SCLT1: variants seen among roughly 807,000 people sequenced by gnomAD.
SCLT1 encodes the protein sodium channel and clathrin linker 1, also known as sodium channel-associated protein 1.
Under a neutral mutation model 112.8 loss-of-function variants are expected in SCLT1, and 78 were observed. That is an observed-to-expected ratio of 0.69 (90% CI 0.58 to 0.83). The LOEUF is 0.83. SCLT1 is among the 40% of genes least tolerant of loss of function. SCLT1 has a pLI of 0.00. For synonymous variants in SCLT1, 257 were observed against 254.7 expected, an observed-to-expected ratio of 1.01 and a Z score of -0.09; for missense variants, 747 against 770.4, an observed-to-expected ratio of 0.97 and a Z score of 0.36.
At chr4:128,951,189 C>A (rs35363237) in intron 14 of SCLT1, among the ~76,000 whole-genome samples, 13,387 of 151,986 alleles carry the variant, frequency 0.088, 755 homozygotes, top group South Asian at 0.15. Context: ...AAAACAATAG[C>A]AAGCATCAGG....
rs368566116 is a variant in SCLT1 at position 129,003,820 on chromosome 4, C to T, written c.347G>A (p.Gly116Asp). The change falls in exon 6 of 21, where the codon GGC (glycine) becomes GAC (aspartate). Residue 116 changes from glycine (G) to aspartate (D), a missense_variant. Transcript: ENST00000281142. ...VEKKLEAFPLGTEVGTDIYAD... is the reference protein window; with the variant it reads ...VEKKLEAFPLDTEVGTDIYAD... ...ATATATGTCAGTTCCTACCTCTGTG[C>T]CCAGGGGAAAGGCCTCCAATTTTTT... 2 of 1,611,706 alleles carry T rather than the reference C, an allele frequency of 1.2e-6. No individual in the cohort carries two copies. Among genetic ancestry groups the T allele is most frequent in the African/African-American group, 1.3e-5 (1 of 74,780 alleles).
intron 2 of SCLT1, among the ~76,000 whole-genome samples, chr4:129,071,274 G>A (rs538782360): frequency 6.6e-6 from 1 of 152,258 alleles, no homozygotes; most frequent in African/African-American, 2.4e-5. Flanking sequence ...GGAATGTTCT[G>A]TATATATCTG....
chr4:128,988,945 A>G (rs898775406), intron 9 of SCLT1, among the ~76,000 whole-genome samples: 2 of 152,002 alleles, frequency 1.3e-5, no homozygotes, highest in Admixed American at 6.6e-5. Context: ...TTGTAGATAT[A>G]TATGTACTCA....
At chr4:128,932,591 A>C (rs565822630) in intron 18 of SCLT1, among the ~76,000 whole-genome samples, 1 of 152,250 alleles carries the variant, frequency 6.6e-6, no homozygotes, top group Non-Finnish European at 1.5e-5. Context: ...CTTCTATTCC[A>C]TATGGTACTG....
intron 1 of SCLT1, 63 bp downstream of exon 1, chr4:129,093,007 T>A: frequency 8.3e-7 from 1 of 1,210,302 alleles, no homozygotes; most frequent in Non-Finnish European, 1.2e-6. Flanking sequence ...AAAAAAGATT[T>A]GTCGGTCAAC....
rs77768210 is a variant in SCLT1 at position 128,949,217 on chromosome 4, GT to G, written c.1219-648del. On this transcript the variant is annotated intron_variant, in intron 14 of 20. Coordinates refer to ENST00000281142, the MANE Select transcript of SCLT1 (RefSeq NM_144643.4). Reference sequence around the variant, plus strand: ...GGAGAATGGGTAATGTGTATGGCTTGTTTTTTTTTTTTTTTTTTCGTGAGAC... The same window carrying G: ...GGAGAATGGGTAATGTGTATGGCTTGTTTTTTTTTTTTTTTTTCGTGAGAC... 6.8e-3 allele frequency among the ~76,000 whole-genome samples: 680 copies of G among 100,710 alleles called. 5 individuals carry two copies. Among genetic ancestry groups the G allele is most frequent in the African/African-American group, 0.018 (491 of 27,704 alleles). The allele number at this position is 100,710 out of a possible 152,430, so 66.1% of individuals were successfully genotyped here. A position where few individuals can be genotyped will look rare whatever the true frequency, so the allele number is the denominator to read the frequency against.
intron 7 of SCLT1, 55 bp from the exon 8 acceptor site, chr4:128,997,994 A>G (rs1362892217): frequency 1.2e-6 from 1 of 826,746 alleles, no homozygotes; most frequent in Non-Finnish European, 1.8e-6. Flanking sequence ...TTTATAACCC[A>G]TATTTAAAAT....
At chr4:128,974,188 T>C (rs985308609) in intron 9 of SCLT1, among the ~76,000 whole-genome samples, 4 of 152,144 alleles carry the variant, frequency 2.6e-5, no homozygotes, top group African/African-American at 7.2e-5. Flanking sequence ...TTAGATTAAA[T>C]TGTCAGGAAC....
At chr4:128,876,731 T>C (rs1436428368) in intron 3 of SCLT1, 2 of 152,254 alleles carry the variant, frequency 1.3e-5, no homozygotes, top group Non-Finnish European at 2.9e-5. Context: ...TTGGTATTTC[T>C]GCAATCCAGC....
Position 129,033,853 on chromosome 4 carries a change from A to T in SCLT1, c.290+5188T>A, listed in dbSNP as rs148181126. Among the ~76,000 whole-genome samples, 15 of 152,324 alleles carry T rather than the reference A, an allele frequency of 9.8e-5. No individual in the cohort carries two copies. In the East Asian group the frequency reaches 2.9e-3, roughly 29 times the overall value. On this transcript the variant is annotated intron_variant, in intron 5 of 20. Coordinates refer to ENST00000281142, the MANE Select transcript of SCLT1 (RefSeq NM_144643.4). The stretch of plus-strand genomic sequence containing the variant: ...ACATAAATACCAAAACATAAACTCA[A>T]TTATAAACCAAGATACATATAGAAA...
intron 1 of SCLT1, among the ~76,000 whole-genome samples, chr4:129,085,859 G>A (rs1030534513): frequency 6.6e-6 from 1 of 152,116 alleles, no homozygotes; most frequent in Admixed American, 6.6e-5. Flanking sequence ...CTATTGGAGG[G>A]TGAAGGGTGG....
At chr4:129,082,026 G>T (rs1455741828) in intron 2 of SCLT1, among the ~76,000 whole-genome samples, 1 of 152,142 alleles carries the variant, frequency 6.6e-6, no homozygotes, top group African/African-American at 2.4e-5. Context: ...CAGAGAATTA[G>T]AACACAGAAC....
At chr4:128,950,773 A>G (rs557635776) in intron 14 of SCLT1, among the ~76,000 whole-genome samples, 110 of 152,300 alleles carry the variant, frequency 7.2e-4, no homozygotes, top group African/African-American at 2.5e-3. Flanking sequence ...AAAAGATCAT[A>G]ATGAACATTT....
At chr4:129,069,571 A>G (rs1750798792) in intron 2 of SCLT1, among the ~76,000 whole-genome samples, 1 of 152,062 alleles carries the variant, frequency 6.6e-6, no homozygotes, top group East Asian at 1.9e-4. Flanking sequence ...TGGTTGCTGT[A>G]TAGAAGGGCT....
rs1354213370 is a variant in SCLT1 at position 129,019,029 on chromosome 4, T to C, written c.291-15153A>G. Among the ~76,000 whole-genome samples, 9 of 152,224 alleles carry C rather than the reference T, an allele frequency of 5.9e-5. No individual in the cohort carries two copies. The East Asian group carries it at 1.7e-3, about 29-fold the overall frequency. ...ATGCTTTTATAGTTATTCTTTATGG[T>C]TTTTATTATTTTTCTGGCTTACCAC... On this transcript the variant is annotated intron_variant, in intron 5 of 20. Coordinates refer to ENST00000281142, the MANE Select transcript of SCLT1 (RefSeq NM_144643.4).
At position 128,954,503 on chromosome 4, in the gene SCLT1, C is replaced by T. The variant is rs190802615; in HGVS notation, c.1147-1663G>A. ...TAATTTTTTGTATTTTTAGTAGAGACGGGGTTTCACCGTGTTAGCCAGGAT... is the reference window on the plus strand; with the variant it reads ...TAATTTTTTGTATTTTTAGTAGAGATGGGGTTTCACCGTGTTAGCCAGGAT... On this transcript the variant is annotated intron_variant, in intron 13 of 20. Coordinates refer to ENST00000281142, the MANE Select transcript of SCLT1 (RefSeq NM_144643.4). Among the ~76,000 whole-genome samples, 1,202 of 151,980 alleles carry T rather than the reference C, an allele frequency of 7.9e-3. 5 individuals are homozygous for T. The highest frequency in any genetic ancestry group is 0.017 in the Middle Eastern group (5 of 294).
intron 6 of SCLT1, 148 bp downstream of exon 6, chr4:129,003,593 T>C: frequency 1.7e-6 from 1 of 597,348 alleles, no homozygotes; most frequent in Non-Finnish European, 2.8e-6. Flanking sequence ...TTATTACAAG[T>C]GTTGCTACCT....
intron 2 of SCLT1, among the ~76,000 whole-genome samples, chr4:129,078,366 G>C (rs1324691847): frequency 1.7e-4 from 26 of 152,126 alleles, no homozygotes; most frequent in Admixed American, 1.7e-3. Context: ...ACCGTGGCCA[G>C]AGTCATCTGG....
chr4:129,047,888 CTT>C (rs1028617230), intron 2 of SCLT1, among the ~76,000 whole-genome samples: 3 of 152,184 alleles, frequency 2.0e-5, no homozygotes, highest in East Asian at 3.9e-4. Context: ...ACATTCATCT[CTT>C]GTCAGATAAA....
Sources: gnomAD v4.1 joint callset for allele counts (sites outside exome capture counted in the v4.1 genomes callset) on GRCh38, gnomAD v4.1.1 for gene constraint, MANE v1.5 for transcripts, NCBI Gene and HGNC (gene_info 2026-07-23, HGNC 2026-07-21) for gene names.